LDB2: variants seen among roughly 807,000 people sequenced by gnomAD.
LDB2 encodes the protein LIM domain-binding protein 2.
A neutral mutation model predicts 44.3 loss-of-function variants in LDB2; 12 were observed. The ratio of observed to expected loss-of-function variants is 0.27; its 90% CI spans 0.17 to 0.44. The LOEUF (loss-of-function observed/expected upper bound fraction) is 0.44, where lower values mean the gene tolerates loss of function less well. LDB2 is among the 20% of genes least tolerant of loss of function. The pLI is 1.00. For missense variants in LDB2, 344 were observed against 473.5 expected (o/e 0.73, Z 2.54); for synonymous variants, 164 against 174.8 (o/e 0.94, Z 0.49).
At chr4:16,732,664 C>T (rs1761001763) in intron 2 of LDB2, among the ~76,000 whole-genome samples, 1 of 152,122 alleles carries the variant, frequency 6.6e-6, no homozygotes, top group Non-Finnish European at 1.5e-5. Flanking sequence ...GAGAAACTGC[C>T]TAATACAGAA....
At chr4:16,510,271 T>C (rs1381127979) in intron 6 of LDB2, among the ~76,000 whole-genome samples, 1 of 152,192 alleles carries the variant, frequency 6.6e-6, no homozygotes, top group Non-Finnish European at 1.5e-5. Context: ...ACCTACTATT[T>C]TTTTATCGTC....
Position 16,611,079 on chromosome 4 carries a change from G to A in LDB2, c.236-15204C>T, listed in dbSNP as rs73236831. Among the ~76,000 whole-genome samples the A allele has an allele frequency of 4.0e-3, 614 of 152,258 alleles. 2 individuals carry two copies. The highest frequency in any genetic ancestry group is 6.9e-3 in the Non-Finnish European group (472 of 68,026). On this transcript the variant is annotated intron_variant, in intron 2 of 7. Transcript: ENST00000304523. ...CAATATTCAACACTATTAAAGTAAAGAATTTCCAACCCAGAATTTCATCTC... is the reference window on the plus strand; with the variant it reads ...CAATATTCAACACTATTAAAGTAAAAAATTTCCAACCCAGAATTTCATCTC...
In LDB2 at chr4:16,588,686, C is replaced by G. The variant is rs201913394; in HGVS notation, c.531+24G>C. 1.9e-6 allele frequency: 3 copies of G among 1,607,780 alleles called. No individual in the cohort carries two copies. In the African/African-American group the frequency reaches 4.0e-5, roughly 22 times the overall value. On this transcript the variant is annotated intron_variant, in intron 4 of 7. Transcript: ENST00000304523. ...AAGGAGGAAAAAAAAGAAAAGAAAG[C>G]AAAACAGAAATTAAATTACTTACAT...
chr4:16,681,719 C>T (rs536757764), intron 2 of LDB2, among the ~76,000 whole-genome samples: 5 of 149,938 alleles, frequency 3.3e-5, no homozygotes, highest in East Asian at 2.0e-4. Flanking sequence ...TACAGACTCC[C>T]GCCACGAGGC....
chr4:16,809,423 G>A (rs776109479), intron 1 of LDB2, among the ~76,000 whole-genome samples: 13 of 152,260 alleles, frequency 8.5e-5, no homozygotes, highest in South Asian at 8.3e-4. Flanking sequence ...AGAATCTGCC[G>A]GTATGGTCTC....
intron 2 of LDB2, among the ~76,000 whole-genome samples, chr4:16,727,459 C>T (rs908574623): frequency 6.6e-6 from 1 of 151,856 alleles, no homozygotes; most frequent in Non-Finnish European, 1.5e-5. Context: ...AGTTGAAACG[C>T]ATCTCTGAAC....
chr4:16,816,358 C>T (rs1169008590), intron 1 of LDB2, among the ~76,000 whole-genome samples: 1 of 151,234 alleles, frequency 6.6e-6, no homozygotes, highest in African/African-American at 2.4e-5. Context: ...TCATGAATCA[C>T]TTTTCTTCAA....
chr4:16,850,947 A>AGTGTGTGTGTGTGTGTGTGTGT (rs71181193), intron 1 of LDB2, among the ~76,000 whole-genome samples: 59 of 143,174 alleles, frequency 4.1e-4, no homozygotes, highest in Non-Finnish European at 4.7e-4. Context: ...TAAAACCATA[A>AGTGTGTGTGTGTGTGTGTGTGT]GTGTGTGTGT....
intron 1 of LDB2, among the ~76,000 whole-genome samples, chr4:16,897,946 G>GTATATA (rs35836810): frequency 2.0e-3 from 56 of 27,902 alleles, no homozygotes; most frequent in African/African-American, 2.3e-3. Flanking sequence ...ATACACATAT[G>GTATATA]TATATATATA....
chr4:16,645,308 G>T (rs966535410), intron 2 of LDB2, among the ~76,000 whole-genome samples: 2 of 151,298 alleles, frequency 1.3e-5, no homozygotes, highest in African/African-American at 4.9e-5. Context: ...AGGCCGAGGC[G>T]GGTGGATCAT....
At chr4:16,820,174 A>G (rs966357268) in intron 1 of LDB2, among the ~76,000 whole-genome samples, 6 of 152,248 alleles carry the variant, frequency 3.9e-5, no homozygotes, top group Non-Finnish European at 7.3e-5. Context: ...TTTAGAAATG[A>G]TGTGACCAAA....
intron 5 of LDB2, among the ~76,000 whole-genome samples, chr4:16,519,380 T>G (rs62296891): frequency 6.6e-6 from 1 of 151,446 alleles, no homozygotes; most frequent in Non-Finnish European, 1.5e-5. Context: ...GTACAGCTAT[T>G]TGAAGGGCAG....
intron 1 of LDB2, among the ~76,000 whole-genome samples, chr4:16,865,358 T>C (rs577008560): frequency 1.1e-4 from 16 of 152,304 alleles, no homozygotes; most frequent in African/African-American, 3.6e-4. Flanking sequence ...CTCAGCCCTA[T>C]TGCAGGAAGC....
chr4:16,833,603 C>T (rs536950008), intron 1 of LDB2, among the ~76,000 whole-genome samples: 139 of 148,384 alleles, frequency 9.4e-4, no homozygotes, highest in African/African-American at 3.4e-3. Flanking sequence ...AGTGCAGTGG[C>T]GCGATCTCTG....
intron 5 of LDB2, 110 bp from the exon 6 acceptor site, chr4:16,512,214 C>A: frequency 9.5e-7 from 1 of 1,058,052 alleles, no homozygotes; most frequent in Non-Finnish European, 1.3e-6. Flanking sequence ...CTTTTATTTT[C>A]CTGGTTTTGA....
At chr4:16,790,683 T>C (rs1579692311) in intron 1 of LDB2, among the ~76,000 whole-genome samples, 1 of 152,328 alleles carries the variant, frequency 6.6e-6, no homozygotes, top group South Asian at 2.1e-4. Flanking sequence ...ATTTCCTCGA[T>C]AACCGGGATG....
intron 5 of LDB2, among the ~76,000 whole-genome samples, chr4:16,568,472 A>G (rs114416152): frequency 0.01 from 1,541 of 152,314 alleles, 26 homozygotes; most frequent in African/African-American, 0.035. Context: ...GCATTTCAAT[A>G]TAAGTGGCGT....
intron 2 of LDB2, 108 bp downstream of exon 2, chr4:16,759,050 G>C: frequency 1.5e-6 from 1 of 679,082 alleles, no homozygotes; most frequent in East Asian, 2.7e-5. Context: ...CTCAGGAGTG[G>C]AGGTATTATT....
At chr4:16,738,201 G>T (rs1351819576) in intron 2 of LDB2, among the ~76,000 whole-genome samples, 2 of 152,138 alleles carry the variant, frequency 1.3e-5, no homozygotes, top group Non-Finnish European at 2.9e-5. Context: ...ACCTAAAAAT[G>T]GGACGTCTCA....
Sources: gnomAD v4.1 joint callset for allele counts (sites outside exome capture counted in the v4.1 genomes callset) on GRCh38, gnomAD v4.1.1 for gene constraint, MANE v1.5 for transcripts, NCBI Gene and HGNC (gene_info 2026-07-23, HGNC 2026-07-21) for gene names.